AKR1C8: variants seen among roughly 807,000 people sequenced by gnomAD.
AKR1C8 encodes aldo-keto reductase family 1 member C8.
At chr10:5,151,611 C>A in the AKR1C8 span, among the ~76,000 whole-genome samples, 2 of 141,702 alleles carry the variant, frequency 1.4e-5, no homozygotes, top group African/African-American at 5.3e-5. Context: ...GGCTGGCATA[C>A]AGTGGCACAA....
the AKR1C8 span, among the ~76,000 whole-genome samples, chr10:5,136,446 G>A: frequency 1.8e-5 from 1 of 55,784 alleles, no homozygotes. Flanking sequence ...TACTCAAGAG[G>A]CTGAGGCAGG....
At chr10:5,161,976 C>T in the AKR1C8 span, 3 of 516,428 alleles carry the variant, frequency 5.8e-6, no homozygotes, top group Non-Finnish European at 1.2e-5. Flanking sequence ...CCCAAAGCTG[C>T]AGTGACCAAA....
the AKR1C8 span, among the ~76,000 whole-genome samples, chr10:5,144,231 A>T: frequency 2.6e-5 from 4 of 152,100 alleles, no homozygotes; most frequent in African/African-American, 9.6e-5. Flanking sequence ...CCATTGATCT[A>T]TATCTCTGTT....
the AKR1C8 span, among the ~76,000 whole-genome samples, chr10:5,181,664 C>A: frequency 6.6e-6 from 1 of 152,200 alleles, no homozygotes; most frequent in East Asian, 1.9e-4. Context: ...AATGTATGTT[C>A]CAAAACCATA....
the AKR1C8 span, among the ~76,000 whole-genome samples, chr10:5,175,786 T>C: frequency 2.6e-5 from 4 of 151,992 alleles, no homozygotes; most frequent in Non-Finnish European, 5.9e-5. Context: ...TTTTGAGAAG[T>C]GTCTGTTCAT....
chr10:5,154,392 T>G, the AKR1C8 span: 1 of 234,826 alleles, frequency 4.3e-6, no homozygotes, highest in East Asian at 1.0e-4. Context: ...TTAAATATAA[T>G]CATAAAGATA....
the AKR1C8 span, among the ~76,000 whole-genome samples, chr10:5,134,010 T>G: frequency 1.3e-5 from 2 of 152,240 alleles, no homozygotes; most frequent in Non-Finnish European, 2.9e-5. Flanking sequence ...ATTATTGATT[T>G]ATCTACCAAA....
At chr10:5,174,295 CTAAT>C in the AKR1C8 span, among the ~76,000 whole-genome samples, 14 of 85,294 alleles carry the variant, frequency 1.6e-4, no homozygotes, top group African/African-American at 3.4e-4. Flanking sequence ...AAAAAAAACT[CTAAT>C]TAATTAACCT....
the AKR1C8 span, among the ~76,000 whole-genome samples, chr10:5,153,990 T>G: frequency 6.6e-6 from 1 of 152,184 alleles, no homozygotes; most frequent in Non-Finnish European, 1.5e-5. Flanking sequence ...AACAAACATC[T>G]TCTTGTTAAA....
the AKR1C8 span, among the ~76,000 whole-genome samples, chr10:5,136,458 G>GA: frequency 0.86 from 131,241 of 152,042 alleles, 56,807 homozygotes; most frequent in African/African-American, 0.93. Flanking sequence ...TGAGGCAGGA[G>GA]ATAAGTTCAA....
the AKR1C8 span, chr10:5,160,868 T>G: frequency 2.1e-6 from 1 of 471,148 alleles, no homozygotes; most frequent in South Asian, 1.5e-5. Context: ...CTGGCATCCT[T>G]TGGCAGTAAT....
the AKR1C8 span, among the ~76,000 whole-genome samples, chr10:5,180,751 G>C: frequency 6.6e-6 from 1 of 152,210 alleles, no homozygotes; most frequent in African/African-American, 2.4e-5. Context: ...TGCTGTGCTA[G>C]CAATCAGCTA....
chr10:5,176,596 C>A, the AKR1C8 span, among the ~76,000 whole-genome samples: 1 of 151,640 alleles, frequency 6.6e-6, no homozygotes, highest in Admixed American at 6.6e-5. Flanking sequence ...GATATTGATT[C>A]TTCCTACCCA....
At chr10:5,149,068 T>TA in the AKR1C8 span, among the ~76,000 whole-genome samples, 7 of 151,980 alleles carry the variant, frequency 4.6e-5, no homozygotes, top group South Asian at 2.1e-4. Flanking sequence ...TATATAGCTG[T>TA]TATATATATT....
At chr10:5,174,202 C>T in the AKR1C8 span, among the ~76,000 whole-genome samples, 148,007 of 151,378 alleles carry the variant, frequency 0.98, 72,434 homozygotes, top group East Asian at 1. Context: ...AATCAGAAGA[C>T]TGACAAACAG....
the AKR1C8 span, among the ~76,000 whole-genome samples, chr10:5,175,079 T>C: frequency 1.3e-5 from 2 of 151,778 alleles, no homozygotes; most frequent in African/African-American, 2.4e-5. Context: ...TAACTCGTCA[T>C]TTAGCATTAG....
At chr10:5,181,241 A>C in the AKR1C8 span, among the ~76,000 whole-genome samples, 1 of 152,240 alleles carries the variant, frequency 6.6e-6, no homozygotes, top group African/African-American at 2.4e-5. Context: ...AAGATTAAAT[A>C]GAATTATCTA....
At chr10:5,158,300 A>G in the AKR1C8 span, among the ~76,000 whole-genome samples, 1 of 152,230 alleles carries the variant, frequency 6.6e-6, no homozygotes, top group Admixed American at 6.5e-5. Flanking sequence ...GTTACAGAGT[A>G]TGTCCATTTG....
the AKR1C8 span, among the ~76,000 whole-genome samples, chr10:5,137,284 A>G: frequency 6.6e-6 from 1 of 152,144 alleles, no homozygotes; most frequent in Non-Finnish European, 1.5e-5. Flanking sequence ...AAAGCCTGGC[A>G]GAGACACAAC....
Sources: allele counts gnomAD v4.1 joint callset (sites outside exome capture counted in the v4.1 genomes callset), GRCh38; gene constraint gnomAD v4.1.1; transcripts MANE v1.5; gene names NCBI Gene and HGNC (gene_info 2026-07-23, HGNC 2026-07-21).